Variants in CCDC69 observed in about 807,000 individuals in gnomAD.
CCDC69 encodes coiled-coil domain-containing protein 69.
Under a neutral mutation model 40.3 loss-of-function variants are expected in CCDC69, and 38 were observed. The ratio of observed to expected loss-of-function variants is 0.94; its 90% CI spans 0.73 to 1.24. The LOEUF (loss-of-function observed/expected upper bound fraction) is 1.24. CCDC69 is among the 50% of genes most tolerant of loss of function. The pLI is 0.00. For missense variants in CCDC69, 389 were observed against 357.9 expected (o/e 1.09, Z -0.70); for synonymous variants, 141 against 138.9 (o/e 1.02, Z -0.11).
intron 4 of CCDC69, among the ~76,000 whole-genome samples, chr5:151,193,241 C>T (rs556092518): frequency 5.7e-4 from 85 of 148,500 alleles, no homozygotes; most frequent in African/African-American, 2.0e-3. Context: ...AGGCCAGATG[C>T]GGTGGCTCAC....
At chr5:151,210,194 T>C (rs552767089) in intron 1 of CCDC69, among the ~76,000 whole-genome samples, 5 of 152,370 alleles carry the variant, frequency 3.3e-5, no homozygotes, top group Admixed American at 2.6e-4. Context: ...TCATTCACTG[T>C]TGAGTGTTTA....
intron 1 of CCDC69, chr5:151,212,934 C>T (rs1361222592): frequency 1.1e-5 from 5 of 455,290 alleles, no homozygotes; most frequent in South Asian, 3.1e-5. Context: ...TGGAAGTGAG[C>T]GCTCCATCAT....
chr5:151,185,436 G>A lies in CCDC69; in HGVS notation c.601C>T (p.Leu201Phe), dbSNP rs368383192. The change falls in exon 7 of 9, where the codon CTC becomes TTC. Residue 201 changes from leucine to phenylalanine, a missense_variant. Leu to Phe is a conservative substitution (Grantham distance 22). Transcript: ENST00000355417. ...CAGTCACAGACCACTGTTTCCATGA[G>A]GATCAGCCGCCTGTCCAGCTCATGA... Reference protein sequence around the residue: ...RIHELDRRLILMETVKEKNLI... With the variant: ...RIHELDRRLIFMETVKEKNLI... 1.9e-6 allele frequency: 3 copies of A among 1,613,882 alleles called. No homozygotes were observed. The highest frequency in any genetic ancestry group is 2.5e-6 in the Non-Finnish European group (3 of 1,179,912).
intron 4 of CCDC69, among the ~76,000 whole-genome samples, chr5:151,193,647 C>A (rs998328186): frequency 6.6e-6 from 1 of 152,002 alleles, no homozygotes; most frequent in Non-Finnish European, 1.5e-5. Context: ...AACCATAAGG[C>A]TTTGGAAGAA....
chr5:151,198,495 G>A (rs561470455), intron 4 of CCDC69, among the ~76,000 whole-genome samples: 44 of 152,282 alleles, frequency 2.9e-4, no homozygotes, highest in South Asian at 1.0e-3. Context: ...GAATACAGGC[G>A]TGAGCCACAA....
intron 4 of CCDC69, chr5:151,198,794 G>T: frequency 4.2e-6 from 2 of 474,798 alleles, no homozygotes; most frequent in Non-Finnish European, 7.5e-6. Context: ...AAAAAGAAAG[G>T]TTGATGCCAG....
At chr5:151,184,651 A>G in intron 7 of CCDC69, 1 of 493,856 alleles carries the variant, frequency 2.0e-6, no homozygotes, top group Non-Finnish European at 3.6e-6. Flanking sequence ...ATGGTAAAAA[A>G]AAATTACAGG....
At chr5:151,184,594 T>C (rs1342536136) in intron 7 of CCDC69, 153 bp from the exon 8 acceptor site, 1 of 565,248 alleles carries the variant, frequency 1.8e-6, no homozygotes, top group Admixed American at 3.1e-5. Flanking sequence ...TAGAAAAAAG[T>C]AAAACTAAAA....
At chr5:151,223,316 C>G (rs138756576) in intron 1 of CCDC69, among the ~76,000 whole-genome samples, 49 of 152,354 alleles carry the variant, frequency 3.2e-4, no homozygotes, top group Middle Eastern at 3.4e-3. Context: ...CCCCTCCCAG[C>G]TACCCCAAGG....
At chr5:151,206,366 A>C (rs1752853097) in intron 1 of CCDC69, among the ~76,000 whole-genome samples, 1 of 152,120 alleles carries the variant, frequency 6.6e-6, no homozygotes, top group South Asian at 2.1e-4. Flanking sequence ...TGGAGGCTTC[A>C]TTATGTAGGC....
At chr5:151,210,021 G>A (rs1413460408) in intron 1 of CCDC69, among the ~76,000 whole-genome samples, 1 of 152,104 alleles carries the variant, frequency 6.6e-6, no homozygotes, top group South Asian at 2.1e-4. Context: ...ATAACCTGGT[G>A]GCATATATTG....
intron 1 of CCDC69, among the ~76,000 whole-genome samples, chr5:151,208,729 T>C (rs1002089183): frequency 1.3e-5 from 2 of 152,248 alleles, no homozygotes; most frequent in Non-Finnish European, 1.5e-5. Flanking sequence ...GTCTCTTCCT[T>C]GTTGCCACGA....
intron 1 of CCDC69, among the ~76,000 whole-genome samples, chr5:151,218,788 C>A (rs1433215432): frequency 6.6e-5 from 10 of 152,122 alleles, no homozygotes; most frequent in African/African-American, 2.4e-4. Flanking sequence ...CCAACTGAAG[C>A]AAAAATGGGA....
At position 151,201,605 on chromosome 5, in the gene CCDC69, C is replaced by T; in HGVS notation, c.208G>A (p.Glu70Lys). Residue 70 changes from glutamate (E) to lysine (K), a missense_variant, in exon 3 of 9, where the codon GAA becomes AAA. Glu to Lys is a moderately conservative substitution (Grantham distance 56, BLOSUM62 1). Transcript: ENST00000355417. ...ITRILQQHEE[E>K]KKKWAQQVEK... ...ACCTGTTGTGCCCATTTCTTCTTTT[C>T]CTCCTCATGTTGCTGGAGAATTCTG... is the stretch of plus-strand genomic sequence containing the variant. The T allele has an allele frequency of 6.2e-7, 1 of 1,613,292 alleles. No homozygotes were observed. The highest frequency in any genetic ancestry group is 1.7e-4 in the Middle Eastern group (1 of 6,046).
At chr5:151,183,732 GC>G in intron 8 of CCDC69, 118 bp from the exon 9 acceptor site, 1 of 877,470 alleles carries the variant, frequency 1.1e-6, no homozygotes, top group Non-Finnish European at 1.7e-6. Context: ...GGTCCCCACT[GC>G]CCTCCTTGTT....
intron 1 of CCDC69, among the ~76,000 whole-genome samples, chr5:151,214,934 T>C (rs1561605172): frequency 6.6e-6 from 1 of 152,242 alleles, no homozygotes; most frequent in East Asian, 1.9e-4. Flanking sequence ...GCCTTTCTAA[T>C]ACACCTTATT....
At chr5:151,198,290 T>TGATCGATC (rs1393480079) in intron 4 of CCDC69, among the ~76,000 whole-genome samples, 4 of 132,420 alleles carry the variant, frequency 3.0e-5, no homozygotes, top group African/African-American at 8.2e-5. Flanking sequence ...AGAATGAGAT[T>TGATCGATC]GATCTATCTA....
rs117167690 is a variant in CCDC69, at chr5:151,209,301, G to A, written c.49-3826C>T. On this transcript the variant is annotated intron_variant, in intron 1 of 8. Transcript: ENST00000355417. Reference sequence around the variant, plus strand: ...AACATGGCAAGAACAAAGATCCCACGTCATCTGCTTTGGCAGACCTCTTGG... The same window carrying A: ...AACATGGCAAGAACAAAGATCCCACATCATCTGCTTTGGCAGACCTCTTGG... 5.7e-4 allele frequency among the ~76,000 whole-genome samples: 87 copies of A among 152,322 alleles called. No homozygotes were observed. In the East Asian group the frequency reaches 0.016, roughly 28 times the overall value.
chr5:151,207,075 C>G (rs1011909118), intron 1 of CCDC69, among the ~76,000 whole-genome samples: 6 of 151,994 alleles, frequency 3.9e-5, no homozygotes, highest in African/African-American at 1.5e-4. Context: ...TGTGCCACCA[C>G]ACCTGGCTAA....
Sources: gnomAD v4.1 joint callset for allele counts (sites outside exome capture counted in the v4.1 genomes callset) on GRCh38, gnomAD v4.1.1 for gene constraint, MANE v1.5 for transcripts, NCBI Gene and HGNC (gene_info 2026-07-23, HGNC 2026-07-21) for gene names.